Variants in NCKAP1 observed in about 807,000 individuals in gnomAD.
The protein encoded by NCKAP1 is nck-associated protein 1.
In NCKAP1, 21 loss-of-function variants were observed where a neutral mutation model predicts 151.2. The ratio of observed to expected loss-of-function variants is 0.14; its 90% CI spans 0.10 to 0.20. NCKAP1 has a LOEUF of 0.20. NCKAP1 is among the 10% of genes least tolerant of loss of function. The probability of loss-of-function intolerance (pLI) is 1.00; values close to 1 mark genes in which losing one functional copy is unlikely to be tolerated. For synonymous variants in NCKAP1, 484 were observed against 451.8 expected (o/e 1.07, Z -0.90); for missense variants, 933 against 1,352.1 (o/e 0.69, Z 4.86).
At chr2:183,026,062 AGTATGTGTGTGC>A (rs1262512590) in intron 1 of NCKAP1, among the ~76,000 whole-genome samples, 1 of 152,226 alleles carries the variant, frequency 6.6e-6, no homozygotes, top group Admixed American at 6.5e-5. Context: ...TAACCAAACA[AGTATGTGTGTGC>A]GTATGTGTGT....
intron 2 of NCKAP1, among the ~76,000 whole-genome samples, chr2:183,023,227 A>G (rs1698828790): frequency 2.0e-5 from 3 of 152,156 alleles, no homozygotes; most frequent in Admixed American, 1.3e-4. Context: ...AAAGATATGT[A>G]AACATATCAG....
chr2:182,966,679 T>G (rs1370545595), intron 16 of NCKAP1, among the ~76,000 whole-genome samples: 1 of 151,968 alleles, frequency 6.6e-6, no homozygotes, highest in Non-Finnish European at 1.5e-5. Context: ...ACAAAACAAA[T>G]TATAGCCATT....
At chr2:182,940,114 A>T (rs1028625247) in intron 24 of NCKAP1, among the ~76,000 whole-genome samples, 1 of 152,218 alleles carries the variant, frequency 6.6e-6, no homozygotes, top group African/African-American at 2.4e-5. Flanking sequence ...TGAACACTGC[A>T]GCGGATTATT....
chr2:183,001,160 T>A (rs1403314897), intron 6 of NCKAP1, among the ~76,000 whole-genome samples: 1 of 152,214 alleles, frequency 6.6e-6, no homozygotes, highest in Non-Finnish European at 1.5e-5. Flanking sequence ...AAGAGAACAA[T>A]GTAGACCAAG....
At chr2:182,929,708 G>A (rs1389935277) in intron 27 of NCKAP1, among the ~76,000 whole-genome samples, 2 of 150,816 alleles carry the variant, frequency 1.3e-5, no homozygotes, top group Non-Finnish European at 3.0e-5. Flanking sequence ...AATTATCCAT[G>A]TGACTAAATG....
chr2:182,940,542 CA>C (rs1185491423), intron 24 of NCKAP1, among the ~76,000 whole-genome samples: 1 of 152,116 alleles, frequency 6.6e-6, no homozygotes, highest in Non-Finnish European at 1.5e-5. Context: ...CGGGTTCAAG[CA>C]ATTCTCCTAC....
intron 18 of NCKAP1, among the ~76,000 whole-genome samples, chr2:182,961,883 C>A (rs1174151410): frequency 1.3e-5 from 2 of 152,102 alleles, no homozygotes; most frequent in Admixed American, 1.3e-4. Context: ...AGTTCTTTTG[C>A]AACTTTCAAG....
At chr2:182,989,879 A>G (rs1698132939) in intron 8 of NCKAP1, among the ~76,000 whole-genome samples, 1 of 151,540 alleles carries the variant, frequency 6.6e-6, no homozygotes, top group African/African-American at 2.4e-5. Flanking sequence ...GCGCCCAGCT[A>G]TTCAGGAGGC....
chr2:182,971,310 C>T (rs1306779291), intron 15 of NCKAP1, among the ~76,000 whole-genome samples: 2 of 143,926 alleles, frequency 1.4e-5, no homozygotes, highest in East Asian at 2.1e-4. Flanking sequence ...AGGAGAATGG[C>T]GTGAACCCGG....
chr2:182,969,792 C>T (rs995505308), intron 15 of NCKAP1, among the ~76,000 whole-genome samples: 4 of 151,420 alleles, frequency 2.6e-5, no homozygotes, highest in African/African-American at 4.8e-5. Context: ...TAATAAAGAT[C>T]GGAGCAGAAA....
intron 18 of NCKAP1, among the ~76,000 whole-genome samples, chr2:182,961,206 A>G (rs1171164042): frequency 6.6e-6 from 1 of 152,198 alleles, no homozygotes; most frequent in Non-Finnish European, 1.5e-5. Context: ...TAGAAATACC[A>G]TTTGACCCAG....
rs901686822 is a variant in NCKAP1 at position 183,012,094 on chromosome 2, C to T, written c.220-8769G>A. Among the ~76,000 whole-genome samples the T allele has an allele frequency of 3.9e-5, 6 of 152,120 alleles. No homozygotes were observed. The South Asian group carries it at 1.0e-3, about 26-fold the overall frequency. ...TCCAGTTTTTGAAGCTGATTAACTT[C>T]TAGGTGCAAGGTTTAAAGATGGTGA... On this transcript the variant is annotated intron_variant, in intron 2 of 30. Transcript: ENST00000361354.
intron 1 of NCKAP1, among the ~76,000 whole-genome samples, chr2:183,025,964 T>C (rs951830268): frequency 1.3e-5 from 2 of 152,240 alleles, no homozygotes; most frequent in African/African-American, 4.8e-5. Flanking sequence ...TCACATATAA[T>C]GAAAATGACA....
intron 2 of NCKAP1, among the ~76,000 whole-genome samples, chr2:183,004,344 A>G (rs1188721805): frequency 1.3e-5 from 2 of 152,110 alleles, no homozygotes; most frequent in Non-Finnish European, 2.9e-5. Context: ...TCTGAATTAC[A>G]CTCAGGAACG....
chr2:182,935,249 G>C (rs375069297), intron 25 of NCKAP1, 44 bp downstream of exon 25: 7 of 1,249,264 alleles, frequency 5.6e-6, no homozygotes, highest in African/African-American at 3.1e-5. Flanking sequence ...GAAATTAAAA[G>C]GGATTGTTTG....
intron 23 of NCKAP1, among the ~76,000 whole-genome samples, chr2:182,947,774 A>C (rs985475127): frequency 2.0e-5 from 3 of 152,174 alleles, no homozygotes; most frequent in Non-Finnish European, 4.4e-5. Flanking sequence ...CATCACTGAC[A>C]GAATAACTTT....
At chr2:183,030,725 T>C (rs764860379) in intron 1 of NCKAP1, among the ~76,000 whole-genome samples, 1 of 152,234 alleles carries the variant, frequency 6.6e-6, no homozygotes, top group Admixed American at 6.5e-5. Flanking sequence ...AGAGGAAGAA[T>C]AGACGTTACC....
chr2:183,033,472 A>C (rs935222682), intron 1 of NCKAP1, among the ~76,000 whole-genome samples: 7 of 152,124 alleles, frequency 4.6e-5, no homozygotes, highest in Non-Finnish European at 1.0e-4. Flanking sequence ...CTACTTACAC[A>C]CTGCATTTTA....
intron 26 of NCKAP1, chr2:182,934,485 A>G (rs1696832817): frequency 4.7e-6 from 1 of 210,910 alleles, no homozygotes; most frequent in African/African-American, 2.3e-5. Context: ...CCATGTATAA[A>G]CAGCTATCCA....
Sources: gnomAD v4.1 joint callset for allele counts (sites outside exome capture counted in the v4.1 genomes callset) on GRCh38, gnomAD v4.1.1 for gene constraint, MANE v1.5 for transcripts, NCBI Gene and HGNC (gene_info 2026-07-23, HGNC 2026-07-21) for gene names.